The following TP53I13 variants were observed in gnomAD, a reference collection of about 807,000 sequenced individuals.
TP53I13 encodes tumor protein p53-inducible protein 13.
Under a neutral mutation model 39.1 loss-of-function variants are expected in TP53I13, and 27 were observed. The ratio of observed to expected loss-of-function variants is 0.69; its 90% CI spans 0.51 to 0.95. TP53I13 has a LOEUF of 0.95. Among genes scored for constraint, TP53I13 ranks in the 40% least tolerant of loss-of-function variants. The probability of loss-of-function intolerance (pLI) is 0.00; values close to 1 mark genes in which losing one functional copy is unlikely to be tolerated. For missense variants in TP53I13, 544 were observed against 520.4 expected (o/e 1.05, Z -0.44); for synonymous variants, 230 against 224.6 (o/e 1.02, Z -0.22).
At chr17:29,573,222 T>C (rs1300540931), downstream of TP53I13, 2 of 299,436 alleles carry the variant, frequency 6.7e-6, no homozygotes, top group East Asian at 5.8e-5. Context: ...TCCTAGGCCA[T>C]GGAGGTGGTG....
downstream of TP53I13, chr17:29,574,269 G>A (rs1234533268): frequency 1.0e-5 from 2 of 198,166 alleles, no homozygotes; most frequent in South Asian, 9.1e-5. Flanking sequence ...GACATCCATG[G>A]AGACTATGTA....
At chr17:29,569,501 C>T (rs931913161) in intron 3 of TP53I13, 142 bp downstream of exon 3, 5 of 760,116 alleles carry the variant, frequency 6.6e-6, no homozygotes, top group Non-Finnish European at 1.1e-5. Context: ...GTTCTCTGCC[C>T]CACCTCCAAG....
At position 29,572,276 on chromosome 17, in the gene TP53I13, T is replaced by G. The variant is rs766135700; in HGVS notation, c.648T>G (p.Thr216=). 1.6e-5 allele frequency: 25 copies of G among 1,612,866 alleles called. No homozygotes were observed. In the South Asian group the frequency reaches 2.7e-4, roughly 18 times the overall value. Residue 216 remains threonine (T), a synonymous_variant, in exon 6 of 7, where the codon ACT becomes ACG. Coordinates refer to ENST00000301057, the MANE Select transcript of TP53I13 (RefSeq NM_138349.4). ...GGGCTGCCCTTGGTCCCCAGCCCAC[T>G]CGCTCAGCCCTGAGGTTTCCCTCTG... is the stretch of plus-strand genomic sequence containing the variant. ...RLRAALGPQP[T]RSALRFPSAS...
downstream of TP53I13, chr17:29,575,673 C>T (rs761491608): frequency 1.1e-5 from 17 of 1,612,660 alleles, no homozygotes; most frequent in African/African-American, 1.3e-5. This position sits in a 1 kb window ranked among gnomAD's most constrained non-coding sequence, Gnocchi z 5.5. Context: ...TAGTCACTGT[C>T]GGCTCCACTG....
chr17:29,569,110 G>A, intron 2 of TP53I13, 24 bp downstream of exon 2: 1 of 1,574,646 alleles, frequency 6.4e-7, no homozygotes, highest in Non-Finnish European at 8.6e-7. Flanking sequence ...AGGGCCCAGG[G>A]AGAGAGGGAT....
rs1567763270 is a variant in TP53I13, at chr17:29,572,511, GCGCCTCCAC to G, written c.884_892del (p.Ala295_Arg298delinsGly). 6.2e-7 allele frequency: 1 copy of G among 1,607,208 alleles called. No individual in the cohort carries two copies. Among genetic ancestry groups the G allele is most frequent in the Admixed American group, 1.7e-5 (1 of 59,376 alleles). On this transcript the variant is annotated inframe_deletion, in exon 6 of 7. Transcript: ENST00000301057. ...GGCTTCCCCGGCCCCTCGCGCAGCAGCGCCTCCACGGGCAGCCCGGGGCCCCACCCCACG... is the reference window on the plus strand; with the variant it reads ...GGCTTCCCCGGCCCCTCGCGCAGCAGGGGCAGCCCGGGGCCCCACCCCACG...
rs2032926268 is a variant in TP53I13 at position 29,571,622 on chromosome 17, G to T, written c.215G>T (p.Cys72Phe). Residue 72 changes from cysteine (C) to phenylalanine (F), a missense_variant, in exon 4 of 7, where the codon TGT (cysteine) becomes TTT (phenylalanine). Cys to Phe is a radical substitution (Grantham distance 205). Transcript: ENST00000301057. ...AEDVTFLYHPCAHPWLKLQLA... is the reference protein window; with the variant it reads ...AEDVTFLYHPFAHPWLKLQLA... The stretch of plus-strand genomic sequence containing the variant: ...GATGTCACCTTCCTCTACCACCCCT[G>T]TGCCCATCCCTGGCTGAAGCTCCAG... The T allele has an allele frequency of 3.1e-6, 5 of 1,614,100 alleles. No individual in the cohort carries two copies. Among genetic ancestry groups the T allele is most frequent in the Non-Finnish European group, 4.2e-6 (5 of 1,180,022 alleles).
the TP53I13 span, chr17:29,582,233 C>T: frequency 1.0e-6 from 1 of 973,778 alleles, no homozygotes; most frequent in South Asian, 1.5e-5. Flanking sequence ...CCCTGGGACA[C>T]CTAGCAGCTC....
At chr17:29,577,890 C>T, downstream of TP53I13, 1 of 634,952 alleles carries the variant, frequency 1.6e-6, no homozygotes, top group Non-Finnish European at 2.9e-6. Flanking sequence ...GCACGCAGAG[C>T]TAGGCCGGGC....
chr17:29,566,845 G>A, upstream of TP53I13: 4 of 1,514,576 alleles, frequency 2.6e-6, no homozygotes, highest in Non-Finnish European at 2.6e-6. Flanking sequence ...TCGGTCTTGG[G>A]CCCCCGGCAG....
chr17:29,582,136 G>C, the TP53I13 span: 2 of 1,571,718 alleles, frequency 1.3e-6, no homozygotes, highest in Non-Finnish European at 1.7e-6. Context: ...GCACGCTCGA[G>C]TGTAGTTGCT....
chr17:29,574,929 A>G, downstream of TP53I13: 1 of 1,550,556 alleles, frequency 6.4e-7, no homozygotes, highest in Non-Finnish European at 8.7e-7. Flanking sequence ...AGGGGGCAGG[A>G]GTGAGGCTGG....
chr17:29,579,102 C>A, the TP53I13 span: 1 of 893,826 alleles, frequency 1.1e-6, no homozygotes, highest in Admixed American at 1.8e-5. Context: ...CACGCACACC[C>A]GGCCCAGAAG....
At chr17:29,574,839 G>T, downstream of TP53I13, 1 of 1,606,328 alleles carries the variant, frequency 6.2e-7, no homozygotes. Context: ...ACTGTCTTCC[G>T]GCACTCACTC....
rs2032803223 is a variant in TP53I13 at position 29,568,757 on chromosome 17, G to T, written c.-2G>T. ...GGCGGGCCGGGCCCGGGGCCGCTTGGAATGGCGCCTCCTCCGCCTTCGCCC... is the reference window on the plus strand; with the variant it reads ...GGCGGGCCGGGCCCGGGGCCGCTTGTAATGGCGCCTCCTCCGCCTTCGCCC... On this transcript the variant is annotated 5_prime_UTR_variant, in exon 1 of 7. Transcript: ENST00000301057. The surrounding 1 kb of genome is among the most constrained non-coding windows in gnomAD (Gnocchi z 4.5). The T allele has an allele frequency of 2.5e-6, 4 of 1,581,030 alleles. No homozygotes were observed. The highest frequency in any genetic ancestry group is 3.4e-6 in the Non-Finnish European group (4 of 1,172,330).
chr17:29,566,405 G>C, upstream of TP53I13: 2 of 1,611,870 alleles, frequency 1.2e-6, no homozygotes, highest in Non-Finnish European at 8.5e-7. Flanking sequence ...AAGATGACCG[G>C]GTAGTAGCCG....
At chr17:29,577,013 G>C, downstream of TP53I13, 1 of 1,604,360 alleles carries the variant, frequency 6.2e-7, no homozygotes, top group Non-Finnish European at 8.5e-7. Flanking sequence ...ACACAGGAGT[G>C]TCACTCAGGC....
At chr17:29,581,125 CG>C in the TP53I13 span, 1 of 591,530 alleles carries the variant, frequency 1.7e-6, no homozygotes, top group East Asian at 2.8e-5. This position sits in a 1 kb window ranked among gnomAD's most constrained non-coding sequence, Gnocchi z 4.8. Context: ...TTGACAGTCA[CG>C]GGGCTCAGGC....
Position 29,568,937 on chromosome 17 carries a change from C to T in TP53I13, c.73-81C>T. On this transcript the variant is annotated intron_variant, in intron 1 of 6. Transcript: ENST00000301057. This position sits in a 1 kb window ranked among gnomAD's most constrained non-coding sequence, Gnocchi z 4.5. The stretch of plus-strand genomic sequence containing the variant: ...CGCCGAGGGGGACGCGGAGTTCTTC[C>T]GCTGGCGGGCTGGGCCTGGGGAGAG... 2.5e-6 allele frequency: 4 copies of T among 1,594,942 alleles called. No homozygotes were observed. The highest frequency in any genetic ancestry group is 2.6e-6 in the Non-Finnish European group (3 of 1,172,876).
Sources: allele counts gnomAD v4.1 joint callset, GRCh38; gene constraint gnomAD v4.1.1; non-coding constraint Gnocchi (gnomAD v3.1); transcripts MANE v1.5; gene names NCBI Gene and HGNC (gene_info 2026-07-23, HGNC 2026-07-21).